NEGR1: variants seen among roughly 807,000 people sequenced by gnomAD.
NEGR1 encodes the protein neuronal growth regulator 1.
Under a neutral mutation model 40.9 loss-of-function variants are expected in NEGR1, and 10 were observed. The observed-to-expected ratio is 0.24, with a 90% confidence interval of 0.15 to 0.42. The LOEUF (loss-of-function observed/expected upper bound fraction) is 0.42, where lower values mean the gene tolerates loss of function less well. NEGR1 is among the 10% of genes least tolerant of loss of function. NEGR1 has a pLI of 1.00. For synonymous variants in NEGR1, 185 were observed against 166.8 expected (o/e 1.11, Z -0.84); for missense variants, 352 against 438.9 (o/e 0.80, Z 1.77).
At chr1:71,524,892 T>C (rs1198649441) in intron 6 of NEGR1, among the ~76,000 whole-genome samples, 1 of 151,700 alleles carries the variant, frequency 6.6e-6, no homozygotes, top group Non-Finnish European at 1.5e-5. Context: ...AAGAGGCACA[T>C]GAGCAAAAGA....
chr1:72,104,534 C>T (rs1160725636), intron 1 of NEGR1, among the ~76,000 whole-genome samples: 2 of 152,004 alleles, frequency 1.3e-5, no homozygotes, highest in Non-Finnish European at 2.9e-5. Flanking sequence ...TTAATTTTAG[C>T]CCTTTGAGCC....
At chr1:71,726,884 C>T (rs574442511) in intron 3 of NEGR1, among the ~76,000 whole-genome samples, 20 of 152,188 alleles carry the variant, frequency 1.3e-4, no homozygotes, top group African/African-American at 2.9e-4. Context: ...AAAAATGCTA[C>T]GCATGTAAAA....
intron 3 of NEGR1, among the ~76,000 whole-genome samples, chr1:71,724,677 C>A (rs1019072183): frequency 6.6e-6 from 1 of 152,106 alleles, no homozygotes; most frequent in Non-Finnish European, 1.5e-5. Flanking sequence ...TTCATTGGAA[C>A]CAGCACAATG....
chr1:72,101,051 T>C (rs547192867), intron 1 of NEGR1: 1 of 152,186 alleles, frequency 6.6e-6, no homozygotes, highest in Admixed American at 6.6e-5. Context: ...AAAAGCCCCA[T>C]CTCCATTTAC....
intron 6 of NEGR1, among the ~76,000 whole-genome samples, chr1:71,445,663 A>T (rs1202194516): frequency 6.6e-6 from 1 of 152,222 alleles, no homozygotes; most frequent in African/African-American, 2.4e-5. Flanking sequence ...AAGCTGGGAA[A>T]ATAAGACCTA....
At chr1:72,180,622 A>T (rs184993324) in intron 1 of NEGR1, among the ~76,000 whole-genome samples, 23 of 152,262 alleles carry the variant, frequency 1.5e-4, no homozygotes, top group African/African-American at 5.5e-4. Context: ...AATAGTGAAA[A>T]AAATCACCCA....
intron 3 of NEGR1, among the ~76,000 whole-genome samples, chr1:71,750,160 A>T (rs887726166): frequency 1.1e-4 from 16 of 150,580 alleles, no homozygotes; most frequent in Non-Finnish European, 2.4e-4. Context: ...CGCCCGGCTA[A>T]TTTTTTGTAT....
At chr1:71,834,755 CTGGACTTAAAGTTAT>C (rs1658960371) in intron 2 of NEGR1, among the ~76,000 whole-genome samples, 1 of 152,002 alleles carries the variant, frequency 6.6e-6, no homozygotes, top group African/African-American at 2.4e-5. Context: ...AGGAAAAGAC[CTGGACTTAAAGTTAT>C]ACAACTTGGG....
At chr1:71,907,988 C>T (rs1225300519) in intron 2 of NEGR1, among the ~76,000 whole-genome samples, 5 of 151,858 alleles carry the variant, frequency 3.3e-5, no homozygotes, top group African/African-American at 7.3e-5. Context: ...ACAATAGACA[C>T]GGGGGTCTAC....
intron 6 of NEGR1, among the ~76,000 whole-genome samples, chr1:71,591,372 T>C (rs537365178): frequency 1.3e-5 from 2 of 152,280 alleles, no homozygotes; most frequent in South Asian, 4.1e-4. Context: ...TTTTTCACAT[T>C]CATTAATGTT....
intron 6 of NEGR1, among the ~76,000 whole-genome samples, chr1:71,563,702 G>C (rs554856336): frequency 1.3e-5 from 2 of 152,048 alleles, no homozygotes; most frequent in Admixed American, 1.3e-4. Context: ...ACAAGCAAAA[G>C]AAAAGAGTTT....
At chr1:71,975,279 T>C (rs1570569808) in intron 1 of NEGR1, among the ~76,000 whole-genome samples, 1 of 152,146 alleles carries the variant, frequency 6.6e-6, no homozygotes, top group Non-Finnish European at 1.5e-5. Flanking sequence ...CTTTCTGGTG[T>C]ATTTCTTCTG....
intron 1 of NEGR1, among the ~76,000 whole-genome samples, chr1:72,001,175 G>T (rs1646554412): frequency 6.6e-6 from 1 of 152,092 alleles, no homozygotes; most frequent in Admixed American, 6.6e-5. Context: ...TCTTATAAAA[G>T]CTTCTGTATT....
chr1:71,692,485 C>A (rs1011318999), intron 4 of NEGR1, among the ~76,000 whole-genome samples: 1 of 151,554 alleles, frequency 6.6e-6, no homozygotes, highest in Non-Finnish European at 1.5e-5. Flanking sequence ...CTTTGAACAC[C>A]GAGATTTTCC....
At chr1:72,169,218 A>T (rs1484251003) in intron 1 of NEGR1, among the ~76,000 whole-genome samples, 1 of 152,172 alleles carries the variant, frequency 6.6e-6, no homozygotes, top group Non-Finnish European at 1.5e-5. Flanking sequence ...TTGTTGAACA[A>T]AATTCTTACA....
chr1:72,227,310 T>A (rs1166010913), intron 1 of NEGR1, among the ~76,000 whole-genome samples: 1 of 151,956 alleles, frequency 6.6e-6, no homozygotes, highest in African/African-American at 2.4e-5. Context: ...AATTGTATCA[T>A]CCTGGCTGCT....
At chr1:71,598,635 A>G (rs1641988610) in intron 5 of NEGR1, among the ~76,000 whole-genome samples, 1 of 152,170 alleles carries the variant, frequency 6.6e-6, no homozygotes, top group African/African-American at 2.4e-5. Flanking sequence ...TTCTTCCTCT[A>G]GGTTCACTAA....
intron 1 of NEGR1, among the ~76,000 whole-genome samples, chr1:71,992,342 A>G (rs1337843576): frequency 1.3e-5 from 2 of 152,146 alleles, no homozygotes; most frequent in African/African-American, 2.4e-5. Context: ...TTGCAGCACT[A>G]AAAATGTCAA....
intron 1 of NEGR1, among the ~76,000 whole-genome samples, chr1:72,242,038 T>C (rs1570165437): frequency 7.3e-6 from 1 of 137,376 alleles, no homozygotes; most frequent in African/African-American, 2.9e-5. Context: ...AAACAATAAT[T>C]ATGTGTTTTT....
Sources: allele counts gnomAD v4.1 joint callset (sites outside exome capture counted in the v4.1 genomes callset), GRCh38; gene constraint gnomAD v4.1.1; transcripts MANE v1.5; gene names NCBI Gene and HGNC (gene_info 2026-07-23, HGNC 2026-07-21).